Variants in RFX2 observed in about 807,000 individuals in gnomAD.
RFX2 encodes the protein regulatory factor X2.
A neutral mutation model predicts 87.8 loss-of-function variants in RFX2; 20 were observed. That is an observed-to-expected ratio of 0.23 (90% CI 0.16 to 0.33). The LOEUF is 0.33. RFX2 is among the 10% of genes least tolerant of loss of function. RFX2 has a pLI of 1.00. For missense variants in RFX2, 767 were observed against 1,012.3 expected (o/e 0.76, Z 3.29); for synonymous variants, 397 against 431.3 (o/e 0.92, Z 0.98).
intron 12 of RFX2, among the ~76,000 whole-genome samples, chr19:6,005,381 T>C (rs1822113333): frequency 6.6e-6 from 1 of 152,210 alleles, no homozygotes; most frequent in South Asian, 2.1e-4. Context: ...CCCGGATGTT[T>C]GTGGATGGAC....
At chr19:6,090,953 A>G (rs1224783508) in intron 1 of RFX2, among the ~76,000 whole-genome samples, 3 of 152,226 alleles carry the variant, frequency 2.0e-5, no homozygotes, top group Non-Finnish European at 4.4e-5. Context: ...CAGTCACGAA[A>G]AAGGTCACAT....
At chr19:6,052,027 G>A (rs570287599) in intron 1 of RFX2, among the ~76,000 whole-genome samples, 89 of 152,052 alleles carry the variant, frequency 5.9e-4, no homozygotes, top group Non-Finnish European at 7.5e-4. Context: ...ACAGGTGCCC[G>A]CCATCACACC....
Position 6,010,257 on chromosome 19 carries a change from CCAGG to C in RFX2, c.900-10_900-7del, listed in dbSNP as rs1385289239. 15 of 1,538,504 alleles carry C rather than the reference CCAGG, an allele frequency of 9.7e-6. No homozygotes were observed. Among genetic ancestry groups the C allele is most frequent in the Non-Finnish European group, 1.3e-5 (15 of 1,140,108 alleles). On this transcript the variant is annotated splice_polypyrimidine_tract_variant and splice_region_variant and intron_variant, in intron 8 of 17. Transcript: ENST00000303657. This position sits in a 1 kb window ranked among gnomAD's most constrained non-coding sequence, Gnocchi z 5.0. ...TCTTCTGGGCTGGCCGGTACCTAGG[CCAGG>C]AACACGCATACCATCATGAGGCCCA...
At chr19:6,028,506 C>T (rs1255483310) in intron 5 of RFX2, among the ~76,000 whole-genome samples, 1 of 152,164 alleles carries the variant, frequency 6.6e-6, no homozygotes, top group East Asian at 1.9e-4. Context: ...AATCTGAAAC[C>T]ATATCAACGA....
At position 6,011,175 on chromosome 19, in the gene RFX2, T is replaced by G. The variant is rs2086655367; in HGVS notation, c.900-924A>C. On this transcript the variant is annotated intron_variant, in intron 8 of 17. Coordinates refer to ENST00000303657, the MANE Select transcript of RFX2 (RefSeq NM_000635.4). This position sits in a 1 kb window ranked among gnomAD's most constrained non-coding sequence, Gnocchi z 4.8. ...AAATAAAATAAAATAAAAGGGAGAT[T>G]CTTTGCGTGAATCACAAACATCTTA... 6.8e-6 allele frequency among the ~76,000 whole-genome samples: 1 copy of G among 148,110 alleles called. No individual in the cohort carries two copies. Among genetic ancestry groups the G allele is most frequent in the Non-Finnish European group, 1.5e-5 (1 of 67,956 alleles).
chr19:5,995,519 C>T lies in RFX2; in HGVS notation c.2056+82G>A. 2.2e-6 allele frequency: 3 copies of T among 1,378,506 alleles called. No individual in the cohort carries two copies. In the South Asian group the frequency reaches 3.7e-5, roughly 17 times the overall value. 85.4% of individuals were successfully genotyped at this position (1,378,506 alleles called of 1,614,324 possible). On this transcript the variant is annotated intron_variant, in intron 17 of 17. Transcript: ENST00000303657. ...GCTGCCCGCATTTCCACCTGTTCATCATGAGATGGGGCAGACAGGCCACGG... is the reference window on the plus strand; with the variant it reads ...GCTGCCCGCATTTCCACCTGTTCATTATGAGATGGGGCAGACAGGCCACGG...
chr19:6,004,232 C>T lies in RFX2; in HGVS notation c.1469G>A (p.Ser490Asn). Residue 490 changes from serine (S) to asparagine (N), a missense_variant, in exon 13 of 18, where the codon AGT becomes AAT. By Grantham distance (46) the Ser-to-Asn change is conservative. Transcript: ENST00000303657. The surrounding 1 kb of genome is among the most constrained non-coding windows in gnomAD (Gnocchi z 4.8). ...SLEGWLTNAM[S>N]DFPQQVIQTK... ...CTGGATGACCTGTTGTGGGAAGTCA[C>T]TCATGGCATTTGTCAACCAGCCTTC... The T allele has an allele frequency of 6.2e-7, 1 of 1,613,710 alleles. No homozygotes were observed. The highest frequency in any genetic ancestry group is 8.5e-7 in the Non-Finnish European group (1 of 1,179,796).
At position 6,027,797 on chromosome 19, in the gene RFX2, G is replaced by A. The variant is rs994984115; in HGVS notation, c.523-1560C>T. On this transcript the variant is annotated intron_variant, in intron 5 of 17. Transcript: ENST00000303657. The surrounding 1 kb of genome is among the most constrained non-coding windows in gnomAD (Gnocchi z 5.0). Reference sequence around the variant, plus strand: ...TTTTCTTGAGCCAGAGTCTTACTCTGTTTCCCAGGCTGGAGTGCAGTGATG... The same window carrying A: ...TTTTCTTGAGCCAGAGTCTTACTCTATTTCCCAGGCTGGAGTGCAGTGATG... 5.3e-5 allele frequency among the ~76,000 whole-genome samples: 8 copies of A among 152,360 alleles called. No homozygotes were observed. The highest frequency in any genetic ancestry group is 1.9e-4 in the African/African-American group (8 of 41,586).
intron 9 of RFX2, among the ~76,000 whole-genome samples, chr19:6,009,331 G>A (rs988073355): frequency 6.6e-6 from 1 of 152,012 alleles, no homozygotes; most frequent in Admixed American, 6.6e-5. Flanking sequence ...TTCCTTGGCC[G>A]CCCCCCACCC....
chr19:6,084,273 A>T (rs1399464555), intron 1 of RFX2, among the ~76,000 whole-genome samples: 2 of 152,196 alleles, frequency 1.3e-5, no homozygotes, highest in Admixed American at 1.3e-4. Flanking sequence ...GACTTACTAG[A>T]GGCAAACCAT....
At chr19:6,072,885 C>G in intron 1 of RFX2, 2 of 1,211,808 alleles carry the variant, frequency 1.7e-6, no homozygotes, top group Non-Finnish European at 2.4e-6. Context: ...AGGAGTTCAT[C>G]TGGCACCAGT....
chr19:6,104,495 G>A (rs1210127340), intron 1 of RFX2, among the ~76,000 whole-genome samples: 1 of 151,776 alleles, frequency 6.6e-6, no homozygotes, highest in Admixed American at 6.6e-5. Flanking sequence ...CCTGAACCTG[G>A]GAGGTGGAGC....
At chr19:6,008,367 T>C in intron 9 of RFX2, 143 bp from the exon 10 acceptor site, 1 of 485,586 alleles carries the variant, frequency 2.1e-6, no homozygotes, top group Non-Finnish European at 3.7e-6. Flanking sequence ...TTCTTTCTTT[T>C]TCTTTTTCTT....
rs2086890315 is a variant in RFX2, at chr19:6,026,515, C to T, written c.523-278G>A. 3.9e-6 allele frequency: 2 copies of T among 518,590 alleles called. No individual in the cohort carries two copies. Among genetic ancestry groups the T allele is most frequent in the Admixed American group, 6.7e-5 (2 of 30,032 alleles). 32.1% of individuals were successfully genotyped at this position (518,590 alleles called of 1,614,324 possible). A position where few individuals can be genotyped will look rare whatever the true frequency, so the allele number is the denominator to read the frequency against. ...CATGTTGTAAAAACTTGCTACTGAA[C>T]TTTAACCTGGCATATGTGTGTGCAC... On this transcript the variant is annotated intron_variant, in intron 5 of 17. Transcript: ENST00000303657. The surrounding 1 kb of genome is among the most constrained non-coding windows in gnomAD (Gnocchi z 4.5).
At chr19:6,072,956 T>C (rs1568184785) in intron 1 of RFX2, 4 of 712,048 alleles carry the variant, frequency 5.6e-6, no homozygotes, top group Non-Finnish European at 9.9e-6. Flanking sequence ...GACAATAGGG[T>C]TTGCAGAAGG....
intron 6 of RFX2, among the ~76,000 whole-genome samples, chr19:6,019,544 G>GTGTGTGTGTATA (rs386388444): frequency 8.4e-5 from 12 of 143,130 alleles, no homozygotes; most frequent in African/African-American, 3.0e-4. Flanking sequence ...GTGTGTGTGT[G>GTGTGTGTGTATA]TATATACTTT....
At chr19:6,006,517 T>C (rs1019330451) in intron 12 of RFX2, among the ~76,000 whole-genome samples, 3 of 145,138 alleles carry the variant, frequency 2.1e-5, no homozygotes, top group Admixed American at 6.9e-5. Context: ...TGGTGTGATC[T>C]CGGCTCACTG....
rs562694568 is a variant in RFX2, at chr19:6,074,711, G to T, written c.-8-27207C>A. Among the ~76,000 whole-genome samples, 1 of 152,276 alleles carries T rather than the reference G, an allele frequency of 6.6e-6. No individual in the cohort carries two copies. The highest frequency in any genetic ancestry group is 2.4e-5 in the African/African-American group (1 of 41,560). On this transcript the variant is annotated intron_variant, in intron 1 of 17. Coordinates refer to ENST00000303657, the MANE Select transcript of RFX2 (RefSeq NM_000635.4). The surrounding 1 kb of genome is among the most constrained non-coding windows in gnomAD (Gnocchi z 5.2). ...CAAGTGGAGTGCGGCATGGGCCAGG[G>T]GCAACAAGGTGACCTGGGGCAGTGA...
chr19:5,997,243 C>G lies in RFX2; in HGVS notation c.1860-30G>C. The G allele has an allele frequency of 1.3e-6, 2 of 1,593,502 alleles. No individual in the cohort carries two copies. The highest frequency in any genetic ancestry group is 1.7e-6 in the Non-Finnish European group (2 of 1,173,056). ...GGACAAGCGGACAGAGGCTGGGGAC[C>G]CTCAGGGGAGCATGGAACCCGGGCC... On this transcript the variant is annotated intron_variant, in intron 15 of 17. Transcript: ENST00000303657. The surrounding 1 kb of genome is among the most constrained non-coding windows in gnomAD (Gnocchi z 4.2).
Sources: allele counts gnomAD v4.1 joint callset (sites outside exome capture counted in the v4.1 genomes callset), GRCh38; gene constraint gnomAD v4.1.1; non-coding constraint Gnocchi (gnomAD v3.1); transcripts MANE v1.5; gene names NCBI Gene and HGNC (gene_info 2026-07-23, HGNC 2026-07-21).